PLPPR5: variants seen among roughly 807,000 people sequenced by gnomAD.
PLPPR5 encodes the protein phospholipid phosphatase related 5.
Under a neutral mutation model 33.9 loss-of-function variants are expected in PLPPR5, and 16 were observed. The ratio of observed to expected loss-of-function variants is 0.47; its 90% CI spans 0.32 to 0.72. PLPPR5 has a LOEUF of 0.72. PLPPR5 is among the 30% of genes least tolerant of loss of function. PLPPR5 has a pLI of 0.03. For missense variants in PLPPR5, 301 were observed against 406.7 expected, an observed-to-expected ratio of 0.74 and a Z score of 2.23; for synonymous variants, 163 against 150.3, an observed-to-expected ratio of 1.08 and a Z score of -0.62.
intron 2 of PLPPR5, 101 bp downstream of exon 2, chr1:98,956,508 C>T: frequency 1.7e-6 from 2 of 1,151,242 alleles, no homozygotes; most frequent in Non-Finnish European, 2.4e-6. Flanking sequence ...AGAAAAAAAC[C>T]CCTAATATTT....
chr1:98,984,315 A>C (rs887913977), intron 1 of PLPPR5, among the ~76,000 whole-genome samples: 4 of 152,070 alleles, frequency 2.6e-5, no homozygotes, highest in Non-Finnish European at 4.4e-5. Flanking sequence ...ATTTGTTCTA[A>C]GGGAACCAAG....
At position 98,898,215 on chromosome 1, in the gene PLPPR5, G is replaced by T. The variant is rs189175448; in HGVS notation, c.934-5111C>A. ...ATCTGTGATTACAATTGTTGCTCCA[G>T]ATGCTGCTTGTGTAACCAAATATAC... On this transcript the variant is annotated intron_variant, in intron 5 of 5. Coordinates refer to ENST00000263177, the MANE Select transcript of PLPPR5 (RefSeq NM_001037317.2). Among the ~76,000 whole-genome samples, 391 of 152,244 alleles carry T rather than the reference G, an allele frequency of 2.6e-3. 2 individuals carry two copies. The highest frequency in any genetic ancestry group is 8.8e-3 in the African/African-American group (365 of 41,556).
chr1:99,002,204 A>G (rs932612000), intron 1 of PLPPR5, among the ~76,000 whole-genome samples: 6 of 152,154 alleles, frequency 3.9e-5, no homozygotes, highest in African/African-American at 1.2e-4. Flanking sequence ...CCAGCAGCAC[A>G]GCCATCCTCC....
intron 3 of PLPPR5, among the ~76,000 whole-genome samples, chr1:98,926,588 G>T (rs138266042): frequency 2.5e-3 from 374 of 151,826 alleles, no homozygotes; most frequent in African/African-American, 8.6e-3. Flanking sequence ...GCCTTATCAA[G>T]TTCCCCTTAC....
intron 3 of PLPPR5, among the ~76,000 whole-genome samples, chr1:98,929,643 G>A (rs765516340): frequency 6.6e-5 from 10 of 152,120 alleles, no homozygotes; most frequent in Non-Finnish European, 1.5e-4. Context: ...GCCGATTGAT[G>A]GTTTGGTTAT....
At chr1:98,964,889 G>A (rs1311579555) in intron 1 of PLPPR5, among the ~76,000 whole-genome samples, 3 of 151,868 alleles carry the variant, frequency 2.0e-5, no homozygotes, top group South Asian at 4.2e-4. Flanking sequence ...CTGCAGCCTC[G>A]ACCTCCTGGA....
intron 4 of PLPPR5, among the ~76,000 whole-genome samples, chr1:98,918,870 C>T (rs1047446355): frequency 2.6e-5 from 4 of 152,086 alleles, no homozygotes; most frequent in African/African-American, 9.7e-5. Flanking sequence ...TTAATTCATT[C>T]GTCATATATT....
intron 3 of PLPPR5, among the ~76,000 whole-genome samples, chr1:98,931,302 A>AAAGTTAC (rs1253955334): frequency 1.3e-5 from 2 of 151,804 alleles, no homozygotes; most frequent in Non-Finnish European, 2.9e-5. Flanking sequence ...AATCATAATA[A>AAAGTTAC]AATTTCATGA....
intron 1 of PLPPR5, among the ~76,000 whole-genome samples, chr1:98,959,930 G>A (rs1030207190): frequency 3.3e-5 from 5 of 152,072 alleles, no homozygotes; most frequent in Non-Finnish European, 4.4e-5. Context: ...TGGACCCTCC[G>A]GCCAGTTCTT....
chr1:98,896,823 GA>G (rs1173909228), intron 5 of PLPPR5, among the ~76,000 whole-genome samples: 3 of 151,146 alleles, frequency 2.0e-5, no homozygotes, highest in Non-Finnish European at 4.4e-5. Flanking sequence ...CCTCCACATA[GA>G]AAATACAGTC....
At chr1:98,968,522 G>A (rs749019375) in intron 1 of PLPPR5, among the ~76,000 whole-genome samples, 7 of 151,834 alleles carry the variant, frequency 4.6e-5, no homozygotes, top group Non-Finnish European at 1.0e-4. Flanking sequence ...CTGTCCCTAG[G>A]TCAATGTTTC....
chr1:98,970,284 C>T (rs1429343409), intron 1 of PLPPR5, among the ~76,000 whole-genome samples: 1 of 151,972 alleles, frequency 6.6e-6, no homozygotes, highest in Non-Finnish European at 1.5e-5. Flanking sequence ...GGAACATAAA[C>T]TCATTTTGCA....
intron 5 of PLPPR5, among the ~76,000 whole-genome samples, chr1:98,894,719 C>T (rs1648405660): frequency 6.6e-6 from 1 of 151,984 alleles, no homozygotes; most frequent in African/African-American, 2.4e-5. Context: ...CATTGTTGAC[C>T]CAGATAATGA....
chr1:98,920,608 A>AAAAAAAAAAAAAAAAAC (rs1649515263), intron 4 of PLPPR5, among the ~76,000 whole-genome samples: 1 of 150,312 alleles, frequency 6.7e-6, no homozygotes, highest in Admixed American at 6.6e-5. Flanking sequence ...AAAAAAAAAA[A>AAAAAAAAAAAAAAAAAC]AGCAGCACAG....
intron 1 of PLPPR5, among the ~76,000 whole-genome samples, chr1:98,969,417 A>G (rs916327152): frequency 5.3e-5 from 8 of 152,076 alleles, no homozygotes; most frequent in Admixed American, 3.9e-4. Context: ...ACACAATGGG[A>G]GAGAAAAAAT....
In PLPPR5 at chr1:98,973,213, A is replaced by C. The variant is rs1422136340; in HGVS notation, c.238-16472T>G. ...AGATGAAAGCAATTTAATCGTTACAAAGACCCTGAACCTGTGAAGTACCAT... is the reference window on the plus strand; with the variant it reads ...AGATGAAAGCAATTTAATCGTTACACAGACCCTGAACCTGTGAAGTACCAT... On this transcript the variant is annotated intron_variant, in intron 1 of 5. Transcript: ENST00000263177. Among the ~76,000 whole-genome samples the C allele has an allele frequency of 2.0e-5, 3 of 152,238 alleles. No homozygotes were observed. In the East Asian group the frequency reaches 5.8e-4, roughly 29 times the overall value.
At chr1:98,897,206 T>C (rs1426397357) in intron 5 of PLPPR5, among the ~76,000 whole-genome samples, 1 of 152,242 alleles carries the variant, frequency 6.6e-6, no homozygotes, top group East Asian at 1.9e-4. Flanking sequence ...GTATTTGTCT[T>C]AGCTTTGCAA....
intron 2 of PLPPR5, among the ~76,000 whole-genome samples, chr1:98,954,249 A>T (rs1650920158): frequency 6.6e-6 from 1 of 152,168 alleles, no homozygotes; most frequent in Admixed American, 6.5e-5. Flanking sequence ...TTAAACTTAG[A>T]GCTACAATCT....
At chr1:98,959,953 C>A (rs1197912124) in intron 1 of PLPPR5, among the ~76,000 whole-genome samples, 1 of 152,072 alleles carries the variant, frequency 6.6e-6, no homozygotes, top group Admixed American at 6.6e-5. Flanking sequence ...TCTAGACTAG[C>A]TCTTTCCAGC....
Sources: gnomAD v4.1 joint callset for allele counts (sites outside exome capture counted in the v4.1 genomes callset) on GRCh38, gnomAD v4.1.1 for gene constraint, MANE v1.5 for transcripts, NCBI Gene and HGNC (gene_info 2026-07-23, HGNC 2026-07-21) for gene names.